EXOC4: variants seen among roughly 807,000 people sequenced by gnomAD.
EXOC4 encodes exocyst complex component 4, also known as SEC8-like 1.
Under a neutral mutation model 107.2 loss-of-function variants are expected in EXOC4, and 71 were observed. The ratio of observed to expected loss-of-function variants is 0.66; its 90% confidence interval spans 0.55 to 0.81. The LOEUF (loss-of-function observed/expected upper bound fraction) is 0.81. Ranked by LOEUF, EXOC4 falls within the 30% of genes least tolerant of loss-of-function variation. EXOC4 has a pLI of 0.00. For missense variants in EXOC4, 1,108 were observed against 1,189.6 expected (o/e 0.93, Z 1.01); for synonymous variants, 456 against 441.2 (o/e 1.03, Z -0.42).
intron 10 of EXOC4, among the ~76,000 whole-genome samples, chr7:133,693,849 G>T (rs1794473342): frequency 6.6e-6 from 1 of 152,124 alleles, no homozygotes; most frequent in Admixed American, 6.6e-5. Context: ...TCAGAAAAGA[G>T]ATTATTTATG....
At chr7:133,870,534 A>G (rs999129680) in intron 11 of EXOC4, among the ~76,000 whole-genome samples, 8 of 152,078 alleles carry the variant, frequency 5.3e-5, no homozygotes, top group Non-Finnish European at 1.0e-4. Flanking sequence ...CTTGAGTTGT[A>G]TTTTCTTTTT....
chr7:134,052,116 T>G (rs1795808876), intron 17 of EXOC4, among the ~76,000 whole-genome samples: 2 of 152,296 alleles, frequency 1.3e-5, no homozygotes, highest in Non-Finnish European at 2.9e-5. Flanking sequence ...ACCCTTTTCA[T>G]AGACACATTG....
chr7:133,711,712 G>A (rs140479689), intron 10 of EXOC4, among the ~76,000 whole-genome samples: 8 of 152,278 alleles, frequency 5.3e-5, no homozygotes, highest in African/African-American at 1.7e-4. Flanking sequence ...GCCAACCCTA[G>A]CATTTAGTTT....
At position 133,565,383 on chromosome 7, in the gene EXOC4, G is replaced by C. The variant is rs140287485; in HGVS notation, c.1418-64662G>C. Among the ~76,000 whole-genome samples, 13 of 152,222 alleles carry C rather than the reference G, an allele frequency of 8.5e-5. No individual in the cohort carries two copies. In the East Asian group the frequency reaches 1.7e-3, roughly 20 times the overall value. ...TAAGTAACACGTAAAATACTGCCTT[G>C]ACATATTGAGTGTTCAGTAAATATG... On this transcript the variant is annotated intron_variant, in intron 9 of 17. Transcript: ENST00000253861.
intron 2 of EXOC4, among the ~76,000 whole-genome samples, chr7:133,283,206 G>T (rs771100319): frequency 2.0e-5 from 3 of 152,128 alleles, no homozygotes; most frequent in African/African-American, 7.2e-5. Flanking sequence ...GAGCTCAGGC[G>T]ATCCTCCCAC....
intron 10 of EXOC4, among the ~76,000 whole-genome samples, chr7:133,797,189 C>T (rs932880066): frequency 1.3e-5 from 2 of 152,094 alleles, no homozygotes; most frequent in African/African-American, 4.8e-5. Flanking sequence ...TAGAATAAAA[C>T]ACAGTTTGCA....
chr7:133,688,667 A>G (rs1435671397), intron 10 of EXOC4, among the ~76,000 whole-genome samples: 1 of 152,186 alleles, frequency 6.6e-6, no homozygotes, highest in Non-Finnish European at 1.5e-5. Flanking sequence ...TAAAACGTTC[A>G]TACATAATTT....
chr7:133,265,023 A>C (rs1396550789), intron 1 of EXOC4, among the ~76,000 whole-genome samples: 1 of 152,184 alleles, frequency 6.6e-6, no homozygotes, highest in Non-Finnish European at 1.5e-5. Context: ...TAATAACTTA[A>C]TCTAATGTCT....
chr7:133,346,471 A>T (rs1466808759), intron 5 of EXOC4, among the ~76,000 whole-genome samples: 1 of 152,146 alleles, frequency 6.6e-6, no homozygotes, highest in Non-Finnish European at 1.5e-5. Flanking sequence ...AAATTTAATT[A>T]TATTTTGAGC....
At chr7:133,628,584 T>TG (rs1802512087) in intron 9 of EXOC4, among the ~76,000 whole-genome samples, 2 of 152,136 alleles carry the variant, frequency 1.3e-5, no homozygotes, top group Non-Finnish European at 2.9e-5. Flanking sequence ...GAAACATAAG[T>TG]GGGGGTAGAG....
intron 9 of EXOC4, among the ~76,000 whole-genome samples, chr7:133,594,556 G>A (rs936416690): frequency 3.4e-5 from 5 of 144,938 alleles, no homozygotes; most frequent in Non-Finnish European, 5.9e-5. Context: ...GTGCGATGGC[G>A]TGATCTTGGC....
chr7:133,358,548 C>T (rs1423916148), intron 6 of EXOC4, among the ~76,000 whole-genome samples: 1 of 152,158 alleles, frequency 6.6e-6, no homozygotes, highest in Admixed American at 6.6e-5. Flanking sequence ...TCTTTCTTTG[C>T]CTGGCACCTG....
At chr7:133,307,537 T>TA in intron 4 of EXOC4, among the ~76,000 whole-genome samples, 1 of 152,172 alleles carries the variant, frequency 6.6e-6, no homozygotes, top group Non-Finnish European at 1.5e-5. Flanking sequence ...ACATTTATTT[T>TA]AAAAAAATTT....
chr7:133,823,851 A>ATATATATATATATAT (rs1797595574), intron 11 of EXOC4, among the ~76,000 whole-genome samples: 1 of 14,884 alleles, frequency 6.7e-5, no homozygotes, highest in Non-Finnish European at 9.5e-5. Flanking sequence ...TATTATATAT[A>ATATATATATATATAT]TATATATATA....
chr7:133,545,612 C>A (rs1027674311), intron 9 of EXOC4, among the ~76,000 whole-genome samples: 1 of 152,102 alleles, frequency 6.6e-6, no homozygotes, highest in South Asian at 2.1e-4. Flanking sequence ...ATTACAGATT[C>A]TCCAGTTCAC....
intron 17 of EXOC4, among the ~76,000 whole-genome samples, chr7:134,018,997 C>T (rs893373419): frequency 1.1e-4 from 17 of 152,186 alleles, no homozygotes; most frequent in Admixed American, 1.0e-3. Flanking sequence ...GTGGCCTGAT[C>T]TTGCCTCATG....
intron 9 of EXOC4, among the ~76,000 whole-genome samples, chr7:133,589,747 A>G (rs11981198): frequency 0.031 from 4,745 of 152,214 alleles, 237 homozygotes; most frequent in African/African-American, 0.11. Context: ...TTCCTCACAA[A>G]TGGATGGGGA....
intron 10 of EXOC4, among the ~76,000 whole-genome samples, chr7:133,757,054 A>G (rs1213153023): frequency 1.3e-5 from 2 of 152,158 alleles, no homozygotes; most frequent in African/African-American, 4.8e-5. Flanking sequence ...TTATTAGAAA[A>G]TCTATCTGTG....
At chr7:133,978,446 T>C (rs1585295535) in intron 14 of EXOC4, among the ~76,000 whole-genome samples, 2 of 152,224 alleles carry the variant, frequency 1.3e-5, no homozygotes, top group East Asian at 3.8e-4. Flanking sequence ...GGTCCAGTCT[T>C]CTCTGAGATT....
Sources: gnomAD v4.1 joint callset for allele counts (sites outside exome capture counted in the v4.1 genomes callset) on GRCh38, gnomAD v4.1.1 for gene constraint, MANE v1.5 for transcripts, NCBI Gene and HGNC (gene_info 2026-07-23, HGNC 2026-07-21) for gene names.